Variants in ASAH2 observed in about 807,000 individuals in gnomAD.
The protein encoded by ASAH2 is N-acylsphingosine amidohydrolase 2.
Under a neutral mutation model 82.9 loss-of-function variants are expected in ASAH2, and 58 were observed. The ratio of observed to expected loss-of-function variants is 0.70; its 90% CI spans 0.57 to 0.87. The LOEUF (loss-of-function observed/expected upper bound fraction) is 0.87. ASAH2 is among the 40% of genes least tolerant of loss of function. ASAH2 has a pLI of 0.00. For synonymous variants in ASAH2, 276 were observed against 289.7 expected, an observed-to-expected ratio of 0.95 and a Z score of 0.48; for missense variants, 779 against 834.0, an observed-to-expected ratio of 0.93 and a Z score of 0.81.
Position 50,210,869 on chromosome 10 carries a change from A to C in ASAH2, c.1368T>G (p.Phe456Leu), listed in dbSNP as rs1845436391. ...CAACTCCATCAATAGTGCCAGCTGC[A>C]AAACTGTAGCCCAATGCTGGTTTAC... ...KTCKPALGYSFAAGTIDGVGG... is the reference protein window; with the variant it reads ...KTCKPALGYSLAAGTIDGVGG... The change falls in exon 12 of 21, where the codon TTT (phenylalanine) becomes TTG (leucine). Residue 456 changes from phenylalanine (F) to leucine (L), a missense_variant. Phe to Leu is a conservative substitution (Grantham distance 22). Transcript: ENST00000682911. 6.2e-7 allele frequency: 1 copy of C among 1,613,674 alleles called. No homozygotes were observed. Among genetic ancestry groups the C allele is most frequent in the African/African-American group, 1.3e-5 (1 of 74,936 alleles).
intron 10 of ASAH2, among the ~76,000 whole-genome samples, chr10:50,212,692 T>C (rs1845489104): frequency 1.3e-5 from 2 of 152,290 alleles, no homozygotes; most frequent in South Asian, 4.2e-4. Context: ...TCCTAGTGTC[T>C]AAGCAAGCAC....
At chr10:50,231,727 C>A (rs1949213) in intron 7 of ASAH2, among the ~76,000 whole-genome samples, 1 of 152,036 alleles carries the variant, frequency 6.6e-6, no homozygotes, top group South Asian at 2.1e-4. Context: ...AGCCCATATA[C>A]CAAAGTTTAT....
At chr10:50,241,726 C>A (rs1846301640) in intron 4 of ASAH2, among the ~76,000 whole-genome samples, 1 of 152,190 alleles carries the variant, frequency 6.6e-6, no homozygotes, top group African/African-American at 2.4e-5. Context: ...AGGGTGAGTT[C>A]ATGTCCTTCG....
At chr10:50,232,253 C>A (rs956227419) in intron 7 of ASAH2, among the ~76,000 whole-genome samples, 1 of 152,122 alleles carries the variant, frequency 6.6e-6, no homozygotes, top group Non-Finnish European at 1.5e-5. Flanking sequence ...ACTTGGCAGA[C>A]CCTTTGTCAT....
At chr10:50,215,870 A>T (rs1845580981) in intron 8 of ASAH2, among the ~76,000 whole-genome samples, 2 of 152,216 alleles carry the variant, frequency 1.3e-5, no homozygotes, top group South Asian at 4.1e-4. Flanking sequence ...ACGTATGTTT[A>T]TTGCAGCACT....
At chr10:50,232,046 G>A (rs1314538904) in intron 7 of ASAH2, among the ~76,000 whole-genome samples, 1 of 152,080 alleles carries the variant, frequency 6.6e-6, no homozygotes, top group Non-Finnish European at 1.5e-5. Context: ...GTGGCAGAGG[G>A]CTGGGACTTG....
chr10:50,203,422 A>G (rs950590754), intron 15 of ASAH2, among the ~76,000 whole-genome samples: 1 of 152,050 alleles, frequency 6.6e-6, no homozygotes. Flanking sequence ...ATCAAATTTT[A>G]AAATATTAAT....
intron 10 of ASAH2, among the ~76,000 whole-genome samples, chr10:50,212,200 C>G (rs1478046446): frequency 6.6e-6 from 1 of 151,904 alleles, no homozygotes. Context: ...CACACACACA[C>G]ACACACACAC....
rs769316276 is a variant in ASAH2, at chr10:50,243,236, T to C, written c.476A>G (p.Asp159Gly). ...GAGCCTTTGTGATACCATGCCTATG[T>C]CGATGCTGACAAACACTGTTCGATT... ...GSNRTVFVSIDIGMVSQRLRL... is the reference protein window; with the variant it reads ...GSNRTVFVSIGIGMVSQRLRL... The change falls in exon 4 of 21, where the codon GAC becomes GGC. Residue 159 changes from aspartate (D) to glycine (G), a missense_variant. Transcript: ENST00000682911. 1 of 1,614,142 alleles carries C rather than the reference T, an allele frequency of 6.2e-7. No individual in the cohort carries two copies. The highest frequency in any genetic ancestry group is 1.3e-5 in the African/African-American group (1 of 75,058).
intron 18 of ASAH2, among the ~76,000 whole-genome samples, chr10:50,193,414 G>A (rs1367655352): frequency 2.7e-5 from 4 of 147,992 alleles, no homozygotes; most frequent in Non-Finnish European, 6.0e-5. Flanking sequence ...TCATAGAGAG[G>A]ATAGCTGCAC....
chr10:50,204,501 A>G (rs1191644271), intron 14 of ASAH2, among the ~76,000 whole-genome samples: 4 of 152,024 alleles, frequency 2.6e-5, no homozygotes, highest in Non-Finnish European at 4.4e-5. Flanking sequence ...ACAACATATC[A>G]AGGAGTTTTA....
Position 50,245,455 on chromosome 10 carries a change from C to G in ASAH2, c.128-1G>C, listed in dbSNP as rs1846429183. The G allele has an allele frequency of 1.9e-6, 3 of 1,610,194 alleles. No individual in the cohort carries two copies. The highest frequency in any genetic ancestry group is 2.5e-6 in the Non-Finnish European group (3 of 1,177,916). Reference sequence around the variant, plus strand: ...GTTGAAAAAAAATGGCCTCCTAAATCTAAAACAGAATAAGAGATTTGAGAA... The same window carrying G: ...GTTGAAAAAAAATGGCCTCCTAAATGTAAAACAGAATAAGAGATTTGAGAA... On this transcript the variant is annotated splice_acceptor_variant, in intron 2 of 20. Transcript: ENST00000682911. LOFTEE classifies it high-confidence loss of function.
intron 4 of ASAH2, among the ~76,000 whole-genome samples, chr10:50,238,678 C>A (rs1415469144): frequency 6.6e-6 from 1 of 152,090 alleles, no homozygotes; most frequent in African/African-American, 2.4e-5. Context: ...AGAAAAAGAG[C>A]CACGAGTCAA....
chr10:50,209,365 T>A (rs1177576832), intron 12 of ASAH2, among the ~76,000 whole-genome samples: 1 of 152,178 alleles, frequency 6.6e-6, no homozygotes, highest in Non-Finnish European at 1.5e-5. Flanking sequence ...AAAAAATTTT[T>A]TTTGAGACAG....
At chr10:50,213,194 GT>G in intron 9 of ASAH2, 136 bp from the exon 10 acceptor site, 1 of 816,062 alleles carries the variant, frequency 1.2e-6, no homozygotes, top group South Asian at 1.4e-5. Flanking sequence ...GTCTCTCAAA[GT>G]ACAAACTATA....
intron 1 of ASAH2, among the ~76,000 whole-genome samples, chr10:50,251,118 G>A (rs1846602162): frequency 6.6e-6 from 1 of 152,116 alleles, no homozygotes; most frequent in South Asian, 2.1e-4. Flanking sequence ...TATCTTAAAG[G>A]ATTCTAGATT....
At chr10:50,244,518 G>A (rs1846392836) in intron 3 of ASAH2, among the ~76,000 whole-genome samples, 1 of 152,170 alleles carries the variant, frequency 6.6e-6, no homozygotes, top group Non-Finnish European at 1.5e-5. Flanking sequence ...GGGAGGGAGT[G>A]AATCCCATCA....
chr10:50,196,123 A>G (rs1488488547), intron 18 of ASAH2, among the ~76,000 whole-genome samples: 2 of 151,834 alleles, frequency 1.3e-5, no homozygotes, highest in East Asian at 1.9e-4. Context: ...CCCCATGTAT[A>G]CATATTTCAA....
At chr10:50,222,765 C>A (rs950193477) in intron 7 of ASAH2, among the ~76,000 whole-genome samples, 1 of 152,112 alleles carries the variant, frequency 6.6e-6, no homozygotes, top group African/African-American at 2.4e-5. Flanking sequence ...GTCACAGCAA[C>A]CAAAGTACTA....
Sources: gnomAD v4.1 joint callset for allele counts (sites outside exome capture counted in the v4.1 genomes callset) on GRCh38, gnomAD v4.1.1 for gene constraint, MANE v1.5 for transcripts, NCBI Gene and HGNC (gene_info 2026-07-23, HGNC 2026-07-21) for gene names.